TBC1D12: variants seen among roughly 807,000 people sequenced by gnomAD.
TBC1D12 encodes the protein TBC1 domain family, member 12.
In TBC1D12, 56 loss-of-function variants were observed where a neutral mutation model predicts 86.7. That is an observed-to-expected ratio of 0.65 (90% confidence interval 0.52 to 0.81). TBC1D12 has a LOEUF of 0.81. Among genes scored for constraint, TBC1D12 ranks in the 30% least tolerant of loss-of-function variants. The pLI is 0.00. For missense variants in TBC1D12, 1,023 were observed against 1,038.8 expected, an observed-to-expected ratio of 0.98 and a Z score of 0.21; for synonymous variants, 421 against 411.7, an observed-to-expected ratio of 1.02 and a Z score of -0.27.
At chr10:94,526,382 T>C (rs1305240028) in intron 11 of TBC1D12, among the ~76,000 whole-genome samples, 3 of 151,634 alleles carry the variant, frequency 2.0e-5, no homozygotes, top group African/African-American at 7.3e-5. Flanking sequence ...TGAGCTGATA[T>C]TGTACCACTA....
At chr10:94,510,646 A>G (rs1329682179) in intron 8 of TBC1D12, among the ~76,000 whole-genome samples, 7 of 152,188 alleles carry the variant, frequency 4.6e-5, no homozygotes, top group Admixed American at 3.9e-4. Context: ...TATATACTTT[A>G]TCTTTGACTC....
intron 2 of TBC1D12, among the ~76,000 whole-genome samples, chr10:94,445,253 G>A (rs903053309): frequency 1.3e-5 from 2 of 151,840 alleles, no homozygotes; most frequent in African/African-American, 4.8e-5. Flanking sequence ...CAGCTACTTG[G>A]GAGGCTGAGG....
At position 94,403,565 on chromosome 10, in the gene TBC1D12, T is replaced by C; in HGVS notation, c.952T>C (p.Phe318Leu). Residue 318 changes from phenylalanine to leucine, a missense_variant, in exon 1 of 13, where the codon TTC becomes CTC. Phe to Leu is a conservative substitution (Grantham distance 22, BLOSUM62 0). Around this residue, in one of 2 missense-constraint regions of TBC1D12, gnomAD observed 628 missense variants for 531.1 expected, o/e 1.18. Transcript: ENST00000225235. ...ASARARRSGGFADFFTRNLFP... is the reference protein window; with the variant it reads ...ASARARRSGGLADFFTRNLFP... Reference sequence around the variant, plus strand: ...GGCCCGGGCTCGACGGAGTGGCGGCTTCGCGGACTTCTTCACCAGGTACAG... The same window carrying C: ...GGCCCGGGCTCGACGGAGTGGCGGCCTCGCGGACTTCTTCACCAGGTACAG... The C allele has an allele frequency of 5.4e-6, 8 of 1,476,318 alleles. No homozygotes were observed. The highest frequency in any genetic ancestry group is 7.1e-6 in the Non-Finnish European group (8 of 1,123,998). The allele number at this position is 1,476,318 out of a possible 1,614,324, so 91.5% of individuals were successfully genotyped here. A position where few individuals can be genotyped will look rare whatever the true frequency, so the allele number is the denominator to read the frequency against.
chr10:94,526,216 G>C (rs2134231241), intron 11 of TBC1D12, among the ~76,000 whole-genome samples: 1 of 152,146 alleles, frequency 6.6e-6, no homozygotes, highest in Non-Finnish European at 1.5e-5. Flanking sequence ...CTGACTGCTT[G>C]AGCTCAGAGT....
At chr10:94,466,187 T>G (rs1374113193) in intron 2 of TBC1D12, among the ~76,000 whole-genome samples, 1 of 152,068 alleles carries the variant, frequency 6.6e-6, no homozygotes, top group East Asian at 1.9e-4. Flanking sequence ...GCTGTTTACC[T>G]CCTTTCTAAC....
At chr10:94,524,661 C>T (rs983255282) in intron 11 of TBC1D12, among the ~76,000 whole-genome samples, 4 of 150,224 alleles carry the variant, frequency 2.7e-5, no homozygotes, top group African/African-American at 9.8e-5. Flanking sequence ...ATCCCTTGAA[C>T]CAGGGAGTTG....
chr10:94,493,552 T>A (rs982798199), intron 4 of TBC1D12, 105 bp downstream of exon 4: 4 of 907,230 alleles, frequency 4.4e-6, no homozygotes, highest in South Asian at 3.2e-5. Flanking sequence ...TTCTTTTTTT[T>A]ATTTCTTTTT....
At chr10:94,504,764 T>G (rs1564981525) in intron 6 of TBC1D12, among the ~76,000 whole-genome samples, 1 of 152,212 alleles carries the variant, frequency 6.6e-6, no homozygotes, top group Non-Finnish European at 1.5e-5. Flanking sequence ...CAGTTATTTG[T>G]GATAATATAA....
intron 1 of TBC1D12, among the ~76,000 whole-genome samples, chr10:94,409,191 G>C (rs747513031): frequency 6.6e-6 from 1 of 151,946 alleles, no homozygotes; most frequent in Non-Finnish European, 1.5e-5. Context: ...CTAAAGCACC[G>C]GAAATCCAGC....
chr10:94,415,741 G>A (rs2054991260), intron 1 of TBC1D12, among the ~76,000 whole-genome samples: 1 of 151,774 alleles, frequency 6.6e-6, no homozygotes. Context: ...GAGCGAGACT[G>A]TCTCAAAAAA....
intron 2 of TBC1D12, among the ~76,000 whole-genome samples, chr10:94,454,097 T>C (rs1352877948): frequency 6.6e-6 from 1 of 152,206 alleles, no homozygotes; most frequent in Non-Finnish European, 1.5e-5. Context: ...CTATTCTGGG[T>C]CTTTTGTCTC....
Position 94,412,986 on chromosome 10 carries a change from AC to A in TBC1D12, c.971+9407del, listed in dbSNP as rs139816715. On this transcript the variant is annotated intron_variant, in intron 1 of 12. Coordinates refer to ENST00000225235, the MANE Select transcript of TBC1D12 (RefSeq NM_015188.2). ...ACCAGGAATCCAACTTTTTAAAAAG[AC>A]CCCCAGGTGATTCTGATGCAGGCGA... is the stretch of plus-strand genomic sequence containing the variant. Among the ~76,000 whole-genome samples, 157 of 152,188 alleles carry A rather than the reference AC, an allele frequency of 1.0e-3. 1 individual carries two copies. The highest frequency in any genetic ancestry group is 1.9e-3 in the Non-Finnish European group (130 of 68,008).
At position 94,495,600 on chromosome 10, in the gene TBC1D12, G is replaced by A. The variant is rs181838738; in HGVS notation, c.1295-1455G>A. ...TGAACTGAGGAATCAGAAGGCCACA[G>A]CTTTAACCTTGTTTGATACTACCTT... On this transcript the variant is annotated intron_variant, in intron 4 of 12. Transcript: ENST00000225235. Among the ~76,000 whole-genome samples, 66 of 152,344 alleles carry A rather than the reference G, an allele frequency of 4.3e-4. 1 individual carries two copies. In the East Asian group the frequency reaches 0.012, roughly 28 times the overall value.
chr10:94,461,913 CTCCTGGCCTCAAAAGA>C (rs1471469585), intron 2 of TBC1D12, among the ~76,000 whole-genome samples: 3 of 152,284 alleles, frequency 2.0e-5, no homozygotes, highest in Admixed American at 6.5e-5. Flanking sequence ...ACTTCTTGAA[CTCCTGGCCTCAAAAGA>C]TCCTCCCACC....
At chr10:94,464,756 A>G (rs768519735) in intron 2 of TBC1D12, among the ~76,000 whole-genome samples, 11 of 152,228 alleles carry the variant, frequency 7.2e-5, no homozygotes, top group Non-Finnish European at 1.2e-4. Flanking sequence ...GAAGTGTTCA[A>G]GTATTAATCA....
chr10:94,522,075 C>T lies in TBC1D12; in HGVS notation c.1882C>T (p.His628Tyr), dbSNP rs1842168181. The T allele has an allele frequency of 1.2e-6, 2 of 1,612,022 alleles. No homozygotes were observed. The highest frequency in any genetic ancestry group is 2.2e-5 in the East Asian group (1 of 44,840). The change falls in exon 10 of 13, where the codon CAC becomes TAC. Residue 628 changes from histidine (H) to tyrosine (Y), a missense_variant. Transcript: ENST00000225235. ...PCQLAFFRVDHSMMLKYFATF... is the reference protein window; with the variant it reads ...PCQLAFFRVDYSMMLKYFATF... ...CCAGTTGGCCTTTTTTCGTGTGGATCACAGCATGGTATGAATGGATCATGT... is the reference window on the plus strand; with the variant it reads ...CCAGTTGGCCTTTTTTCGTGTGGATTACAGCATGGTATGAATGGATCATGT...
intron 1 of TBC1D12, among the ~76,000 whole-genome samples, chr10:94,407,800 T>C (rs1304922723): frequency 6.6e-6 from 1 of 152,172 alleles, no homozygotes; most frequent in Non-Finnish European, 1.5e-5. Context: ...TTTGTTACTC[T>C]TTTTAAAAAA....
chr10:94,493,064 C>G (rs758561544), intron 3 of TBC1D12, among the ~76,000 whole-genome samples: 1 of 151,874 alleles, frequency 6.6e-6, no homozygotes, highest in Admixed American at 6.6e-5. Flanking sequence ...TTGAGACTAG[C>G]CTGAGCAACA....
chr10:94,446,811 G>C (rs937338665), intron 2 of TBC1D12, among the ~76,000 whole-genome samples: 1 of 152,086 alleles, frequency 6.6e-6, no homozygotes, highest in Admixed American at 6.6e-5. Context: ...GCTGGGTGCG[G>C]TGGCTCACAT....
Sources: allele counts gnomAD v4.1 joint callset (sites outside exome capture counted in the v4.1 genomes callset), GRCh38; gene constraint gnomAD v4.1.1; regional missense constraint gnomAD v4.1.1; transcripts MANE v1.5; gene names NCBI Gene and HGNC (gene_info 2026-07-23, HGNC 2026-07-21).